Variants in LIFR observed in about 807,000 individuals in gnomAD.
LIFR encodes LIF receptor subunit alpha.
LIFR carries 84 observed loss-of-function variants against 122.2 expected under a neutral mutation model. The ratio of observed to expected loss-of-function variants is 0.69; its 90% CI spans 0.58 to 0.82. LIFR has a LOEUF of 0.82. Ranked by LOEUF, LIFR falls within the 40% of genes least tolerant of loss-of-function variation. The pLI, the probability that LIFR is intolerant of heterozygous loss-of-function variation, is 0.00. For missense variants in LIFR, 1,294 were observed against 1,311.6 expected (o/e 0.99, Z 0.21); for synonymous variants, 422 against 434.7 (o/e 0.97, Z 0.36).
At chr5:38,507,194 TG>T (rs1344501670) in intron 7 of LIFR, among the ~76,000 whole-genome samples, 9 of 152,120 alleles carry the variant, frequency 5.9e-5, no homozygotes, top group Non-Finnish European at 1.2e-4. Context: ...TTATCAAAAC[TG>T]CTCTCCCCAG....
intron 1 of LIFR, among the ~76,000 whole-genome samples, chr5:38,565,586 A>AT (rs1223940813): frequency 0.034 from 4,534 of 134,890 alleles, 82 homozygotes; most frequent in African/African-American, 0.043. Context: ...ATGATTGTTG[A>AT]TTTTTTTTTT....
At chr5:38,496,234 G>A in intron 13 of LIFR, 148 bp downstream of exon 13, 4 of 707,982 alleles carry the variant, frequency 5.6e-6, no homozygotes, top group Admixed American at 2.0e-5. Context: ...TCAATGAACT[G>A]TAGACATCAA....
At chr5:38,608,040 C>T (rs1306364029) in intron 1 of LIFR, 1 of 152,082 alleles carries the variant, frequency 6.6e-6, no homozygotes, top group Non-Finnish European at 1.5e-5. Context: ...AAAATATATA[C>T]ACGTGAGATC....
At chr5:38,599,568 A>C (rs1231212393), upstream of LIFR, among the ~76,000 whole-genome samples, 2 of 152,164 alleles carry the variant, frequency 1.3e-5, no homozygotes, top group Admixed American at 1.3e-4. Flanking sequence ...GAGAGGGATA[A>C]AAGTGTGGAG....
chr5:38,516,548 C>T (rs1219270777), intron 5 of LIFR, among the ~76,000 whole-genome samples: 1 of 152,090 alleles, frequency 6.6e-6, no homozygotes, highest in Non-Finnish European at 1.5e-5. Flanking sequence ...ATTAAAAAGA[C>T]AGGAAACAAC....
Position 38,484,843 on chromosome 5 carries a change from G to T in LIFR, c.2523C>A (p.Leu841=). 6.2e-7 allele frequency: 1 copy of T among 1,613,180 alleles called. No homozygotes were observed. The highest frequency in any genetic ancestry group is 1.1e-5 in the South Asian group (1 of 91,030). Residue 841 remains leucine (L), a synonymous_variant, in exon 18 of 20, where the codon CTC becomes CTA. Transcript: ENST00000453190. ...CAATGACAGCCACTGCCACTGGGAT[G>T]AGAATGGCAATAATTAATCCCACAG... ...ENSVGLIIAI[L]IPVAVAVIVG... is the part of the protein sequence containing the mutation.
chr5:38,581,925 T>G (rs1749595768), intron 1 of LIFR, among the ~76,000 whole-genome samples: 1 of 152,228 alleles, frequency 6.6e-6, no homozygotes, highest in Non-Finnish European at 1.5e-5. Flanking sequence ...CCTTCAAAGC[T>G]GCATTATCAC....
At chr5:38,494,343 T>G (rs1022441523) in intron 13 of LIFR, among the ~76,000 whole-genome samples, 1 of 150,504 alleles carries the variant, frequency 6.6e-6, no homozygotes, top group Non-Finnish European at 1.5e-5. Context: ...AGGGGTAGGG[T>G]GGGGGCAAGG....
chr5:38,481,812 G>A lies in LIFR; in HGVS notation c.3077C>T (p.Ala1026Val), dbSNP rs765596913. The A allele has an allele frequency of 1.8e-5, 29 of 1,613,984 alleles. No individual in the cohort carries two copies. Among genetic ancestry groups the A allele is most frequent in the Middle Eastern group, 3.3e-4 (2 of 6,084 alleles). ...TACATTGGCCTGAGGTCTGTAACCC[G>A]CAGTTTTATCTAAGTCCTCTTCTGC... ...IAAEEDLDKT[A>V]GYRPQANVNT... Residue 1026 changes from alanine (A) to valine (V), a missense_variant, in exon 20 of 20, where the codon GCG becomes GTG. Coordinates refer to ENST00000453190, the MANE Select transcript of LIFR (RefSeq NM_001127671.2).
intron 1 of LIFR, among the ~76,000 whole-genome samples, chr5:38,594,675 T>C (rs980237644): frequency 6.6e-6 from 1 of 152,200 alleles, no homozygotes; most frequent in Non-Finnish European, 1.5e-5. Flanking sequence ...TAACTATTTC[T>C]CATAAAATAT....
In LIFR at chr5:38,527,251, G is replaced by A. The variant is rs774750423; in HGVS notation, c.301C>T (p.Pro101Ser). The A allele has an allele frequency of 5.0e-6, 8 of 1,600,296 alleles. No individual in the cohort carries two copies. The South Asian group carries it at 7.7e-5, about 15-fold the overall frequency. The part of the protein sequence containing the change: ...YQLEKTSIKI[P>S]ALSHGDYEIT... ...TCATAATCACCATGTGAAAGAGCTG[G>A]AATTTTAATACTGGTTTTCTCCAAC... The change falls in exon 4 of 20, where the codon CCA (proline) becomes TCA (serine). Residue 101 changes from proline to serine, a missense_variant. Physicochemically the swap from Pro to Ser is moderately conservative, Grantham distance 74. Coordinates refer to ENST00000453190, the MANE Select transcript of LIFR (RefSeq NM_001127671.2).
At position 38,481,299 on chromosome 5, in the gene LIFR, A is replaced by G; in HGVS notation, c.*296T>C. 4.3e-6 allele frequency: 2 copies of G among 466,700 alleles called. No individual in the cohort carries two copies. Among genetic ancestry groups the G allele is most frequent in the Non-Finnish European group, 7.8e-6 (2 of 257,402 alleles). The allele number at this position is 466,700 out of a possible 1,614,324, so 28.9% of individuals were successfully genotyped here. A position where few individuals can be genotyped will look rare whatever the true frequency, so the allele number is the denominator to read the frequency against. Reference sequence around the variant, plus strand: ...CGGGATTTGTTTTACATGTACGTACAAGTAGGTATTAGCCTTGAAATGCTT... The same window carrying G: ...CGGGATTTGTTTTACATGTACGTACGAGTAGGTATTAGCCTTGAAATGCTT... On this transcript the variant is annotated 3_prime_UTR_variant, in exon 20 of 20. Coordinates refer to ENST00000453190, the MANE Select transcript of LIFR (RefSeq NM_001127671.2).
intron 1 of LIFR, among the ~76,000 whole-genome samples, chr5:38,584,695 T>G (rs1033244387): frequency 6.6e-6 from 1 of 151,860 alleles, no homozygotes; most frequent in Non-Finnish European, 1.5e-5. Flanking sequence ...GAAACAGTGG[T>G]TATGGGTCAG....
intron 1 of LIFR, chr5:38,550,148 G>A: frequency 2.1e-6 from 1 of 480,282 alleles, no homozygotes; most frequent in Non-Finnish European, 2.7e-6. Context: ...TTGCCCTCCT[G>A]TAAAGTTATA....
intron 5 of LIFR, among the ~76,000 whole-genome samples, chr5:38,516,807 C>G (rs2112518389): frequency 6.6e-6 from 1 of 152,248 alleles, no homozygotes; most frequent in Non-Finnish European, 1.5e-5. Flanking sequence ...GGAACCCACC[C>G]AAACACCCAT....
At position 38,606,337 on chromosome 5, in the gene LIFR, AAGAG is replaced by A. The variant is rs1350556073; in HGVS notation, n.204-35_204-32del. 9 of 152,248 alleles carry A rather than the reference AAGAG, an allele frequency of 5.9e-5. No individual in the cohort carries two copies. In the South Asian group the frequency reaches 1.7e-3, roughly 28 times the overall value. 9.4% of individuals were successfully genotyped at this position (152,248 alleles called of 1,614,324 possible). A position where few individuals can be genotyped will look rare whatever the true frequency, so the allele number is the denominator to read the frequency against. ...ACATGGAGAAAGCAGGACAGAGAGAAAGAGAGAGAGTGAGAAAGAGAGAGACAGA... is the reference window on the plus strand; with the variant it reads ...ACATGGAGAAAGCAGGACAGAGAGAAAGAGAGTGAGAAAGAGAGAGACAGA... On this transcript the variant is annotated intron_variant and non_coding_transcript_variant, in intron 1 of 3. Transcript: ENST00000507786.
At chr5:38,603,676 C>T (rs1161784338) in intron 2 of LIFR, among the ~76,000 whole-genome samples, 1 of 152,102 alleles carries the variant, frequency 6.6e-6, no homozygotes, top group Non-Finnish European at 1.5e-5. Flanking sequence ...AAAATGATCT[C>T]CATCACTCAC....
At chr5:38,601,454 G>A (rs1472592993) in intron 2 of LIFR, among the ~76,000 whole-genome samples, 1 of 152,222 alleles carries the variant, frequency 6.6e-6, no homozygotes, top group Non-Finnish European at 1.5e-5. Context: ...GATGGGAAGA[G>A]AAAGAGATGC....
intron 1 of LIFR, among the ~76,000 whole-genome samples, chr5:38,542,728 G>A (rs931466120): frequency 3.9e-5 from 6 of 152,078 alleles, no homozygotes; most frequent in Non-Finnish European, 8.8e-5. Flanking sequence ...GTCAGGCTCT[G>A]TGGTGCCTCA....
Sources: allele counts gnomAD v4.1 joint callset (sites outside exome capture counted in the v4.1 genomes callset), GRCh38; gene constraint gnomAD v4.1.1; transcripts MANE v1.5; gene names NCBI Gene and HGNC (gene_info 2026-07-23, HGNC 2026-07-21).